HK1: variants seen among roughly 807,000 people sequenced by gnomAD.
The protein encoded by HK1 is hexokinase-1.
A neutral mutation model predicts 91.6 loss-of-function variants in HK1; 28 were observed. That is an observed-to-expected ratio of 0.31 (90% CI 0.23 to 0.42). The LOEUF (loss-of-function observed/expected upper bound fraction) is 0.42, where lower values mean the gene tolerates loss of function less well. Ranked by LOEUF, HK1 falls within the 10% of genes least tolerant of loss-of-function variation. The pLI, the probability that HK1 is intolerant of heterozygous loss-of-function variation, is 1.00. For missense variants in HK1, 770 were observed against 1,219.8 expected, an observed-to-expected ratio of 0.63 and a Z score of 5.49; for synonymous variants, 430 against 468.1, an observed-to-expected ratio of 0.92 and a Z score of 1.05.
intron 5 of HK1, among the ~76,000 whole-genome samples, chr10:69,302,255 G>GA (rs78152370): frequency 0.086 from 12,430 of 144,066 alleles, 970 homozygotes; most frequent in East Asian, 0.48. Flanking sequence ...CTCAAAAAAA[G>GA]AAAAAAAAAA....
chr10:69,318,294 G>C, upstream of HK1: 1 of 891,876 alleles, frequency 1.1e-6, no homozygotes, highest in Non-Finnish European at 1.3e-6. Flanking sequence ...CGAGGACTGC[G>C]TAGCGTCCCC....
At chr10:69,346,779 A>G (rs1250852054) in intron 2 of HK1, among the ~76,000 whole-genome samples, 1 of 152,110 alleles carries the variant, frequency 6.6e-6, no homozygotes, top group African/African-American at 2.4e-5. Context: ...GTAGTGGATG[A>G]ATGAATAATA....
intron 17 of HK1, 60 bp from the exon 18 acceptor site, chr10:69,400,931 G>A (rs749695311): frequency 1.0e-5 from 16 of 1,591,638 alleles, no homozygotes; most frequent in South Asian, 4.4e-5. Flanking sequence ...TGGTGTTTTC[G>A]GGTAGGCCCA....
At chr10:69,338,140 C>A in intron 1 of HK1, 1 of 670,186 alleles carries the variant, frequency 1.5e-6, no homozygotes, top group Non-Finnish European at 1.9e-6. Context: ...CCGCTGAGAG[C>A]TTCAAGGCCC....
chr10:69,398,338 A>G (rs1465474246), intron 16 of HK1, among the ~76,000 whole-genome samples: 1 of 152,270 alleles, frequency 6.6e-6, no homozygotes, highest in African/African-American at 2.4e-5. Flanking sequence ...CCAGCTAGGA[A>G]AAATAAACTG....
chr10:69,337,775 G>A lies in HK1; in HGVS notation c.64-6052G>A, dbSNP rs568809006. On this transcript the variant is annotated intron_variant, in intron 1 of 17. Coordinates refer to ENST00000359426, the MANE Select transcript of HK1 (RefSeq NM_000188.3). ...ACGCCTGCTGTTCTGCAGCATTCTC[G>A]ATCCTCACGGGAGGGTGGATGAGAG... Among the ~76,000 whole-genome samples, 120 of 152,310 alleles carry A rather than the reference G, an allele frequency of 7.9e-4. 1 individual carries two copies. In the South Asian group the frequency reaches 0.01, roughly 13 times the overall value.
chr10:69,308,363 C>T (rs1207193950), intron 5 of HK1, among the ~76,000 whole-genome samples: 1 of 152,136 alleles, frequency 6.6e-6, no homozygotes, highest in African/African-American at 2.4e-5. Flanking sequence ...ATCGGCAAGA[C>T]TCCTGTCTCA....
Position 69,392,116 on chromosome 10 carries a change from G to A in HK1, c.2036-9G>A. Reference sequence around the variant, plus strand: ...CCACCGCTCCTCATTGCCCCCTCGTGTGTTCCAGGGACCGGCAGCAATGCC... The same window carrying A: ...CCACCGCTCCTCATTGCCCCCTCGTATGTTCCAGGGACCGGCAGCAATGCC... On this transcript the variant is annotated splice_polypyrimidine_tract_variant and intron_variant, in intron 14 of 17. Transcript: ENST00000359426. 6.2e-7 allele frequency: 1 copy of A among 1,614,156 alleles called. No homozygotes were observed. The highest frequency in any genetic ancestry group is 8.5e-7 in the Non-Finnish European group (1 of 1,180,018).
At chr10:69,377,749 T>C (rs1839190685) in intron 8 of HK1, among the ~76,000 whole-genome samples, 1 of 152,246 alleles carries the variant, frequency 6.6e-6, no homozygotes, top group Non-Finnish European at 1.5e-5. Flanking sequence ...CTTTGACTTG[T>C]CATTTCCCAA....
At chr10:69,317,714 T>G (rs1405607360), upstream of HK1, among the ~76,000 whole-genome samples, 4 of 152,162 alleles carry the variant, frequency 2.6e-5, no homozygotes, top group Non-Finnish European at 5.9e-5. Context: ...ATCTACAACT[T>G]CCTGGCTGTA....
chr10:69,369,566 A>T lies in HK1; in HGVS notation c.817A>T (p.Ile273Phe). The change falls in exon 7 of 18, where the codon ATC becomes TTC. Residue 273 changes from isoleucine to phenylalanine, a missense_variant. This residue lies in a region of HK1 where 449 missense variants were observed against 665.1 expected (regional missense o/e 0.68). Coordinates refer to ENST00000359426, the MANE Select transcript of HK1 (RefSeq NM_000188.3). This position sits in a 1 kb window ranked among gnomAD's most constrained non-coding sequence, Gnocchi z 4.4. ...AFGDDGSLEDIRTEFDREIDR... is the reference protein window; with the variant it reads ...AFGDDGSLEDFRTEFDREIDR... ...TGGAGACGATGGATCATTAGAAGAC[A>T]TCCGGACAGAGTTTGACAGGGAGAT... is the stretch of plus-strand genomic sequence containing the variant. The T allele has an allele frequency of 6.2e-7, 1 of 1,614,210 alleles. No homozygotes were observed. Among genetic ancestry groups the T allele is most frequent in the Non-Finnish European group, 8.5e-7 (1 of 1,180,046 alleles).
intron 1 of HK1, among the ~76,000 whole-genome samples, chr10:69,279,162 G>A (rs1844611124): frequency 6.6e-6 from 1 of 152,196 alleles, no homozygotes; most frequent in Admixed American, 6.5e-5. Flanking sequence ...GGGAGCACTG[G>A]TTGGTGGTGG....
chr10:69,367,775 A>G (rs1589549654), intron 4 of HK1, among the ~76,000 whole-genome samples: 2 of 152,230 alleles, frequency 1.3e-5, no homozygotes, highest in Non-Finnish European at 2.9e-5. Flanking sequence ...CATTCAGAGT[A>G]AAACAGCCAA....
At chr10:69,366,433 A>C (rs1189998513) in intron 4 of HK1, among the ~76,000 whole-genome samples, 1 of 152,024 alleles carries the variant, frequency 6.6e-6, no homozygotes, top group Admixed American at 6.6e-5. Context: ...GAACCCTTAC[A>C]TCTGTAAAAT....
intron 8 of HK1, among the ~76,000 whole-genome samples, chr10:69,379,543 C>A (rs1205660483): frequency 2.0e-5 from 3 of 152,220 alleles, no homozygotes; most frequent in Admixed American, 2.0e-4. Flanking sequence ...TTCTCCTGAG[C>A]CTCATGAGCC....
intron 3 of HK1, among the ~76,000 whole-genome samples, chr10:69,293,554 AC>A (rs1017185749): frequency 3.3e-5 from 5 of 152,198 alleles, no homozygotes; most frequent in African/African-American, 1.2e-4. Flanking sequence ...GTGGCTTAAA[AC>A]AATAATCTCT....
At chr10:69,389,049 C>T (rs1589580211) in intron 13 of HK1, 148 bp from the exon 14 acceptor site, 1 of 700,924 alleles carries the variant, frequency 1.4e-6, no homozygotes. Context: ...TGTGAAGGAA[C>T]ATTCATTACC....
Position 69,369,523 on chromosome 10 carries a change from T to C in HK1, c.774T>C (p.Asn258=). Residue 258 remains asparagine (N), a synonymous_variant, in exon 7 of 18, where the codon AAT becomes AAC. Coordinates refer to ENST00000359426, the MANE Select transcript of HK1 (RefSeq NM_000188.3). This position sits in a 1 kb window ranked among gnomAD's most constrained non-coding sequence, Gnocchi z 4.4. The stretch of plus-strand genomic sequence containing the variant: ...GAGACGAGGGGAGGATGTGTATCAA[T>C]ACAGAATGGGGAGCCTTTGGAGACG... ...VEGDEGRMCI[N]TEWGAFGDDG... is the part of the protein sequence containing the mutation. The C allele has an allele frequency of 1.2e-6, 2 of 1,614,110 alleles. No individual in the cohort carries two copies. Among genetic ancestry groups the C allele is most frequent in the Non-Finnish European group, 1.7e-6 (2 of 1,180,006 alleles).
chr10:69,318,131 CG>C (rs1244733809), upstream of HK1: 1 of 985,438 alleles, frequency 1.0e-6, no homozygotes. Flanking sequence ...GACTCGGGGG[CG>C]GGTGCTCTGG....
Sources: gnomAD v4.1 joint callset for allele counts (sites outside exome capture counted in the v4.1 genomes callset) on GRCh38, gnomAD v4.1.1 for gene constraint, gnomAD v4.1.1 regional missense constraint, Gnocchi (gnomAD v3.1) non-coding constraint, MANE v1.5 for transcripts, NCBI Gene and HGNC (gene_info 2026-07-23, HGNC 2026-07-21) for gene names.